The following HCN1 variants were observed in gnomAD, a reference collection of about 807,000 sequenced individuals.
HCN1 encodes hyperpolarization activated cyclic nucleotide gated potassium channel 1.
HCN1 carries 13 observed loss-of-function variants against 78.9 expected under a neutral mutation model. The observed-to-expected ratio is 0.16, with a 90% CI of 0.11 to 0.26. The LOEUF is 0.26. Ranked by LOEUF, HCN1 falls within the 10% of genes least tolerant of loss-of-function variation. HCN1 has a pLI of 1.00. For synonymous variants in HCN1, 552 were observed against 455.5 expected, an observed-to-expected ratio of 1.21 and a Z score of -2.70; for missense variants, 810 against 1,154.3, an observed-to-expected ratio of 0.70 and a Z score of 4.32.
intron 1 of HCN1, 53 bp downstream of exon 1, chr5:45,695,616 G>A: frequency 1.9e-6 from 3 of 1,560,660 alleles, no homozygotes; most frequent in South Asian, 1.1e-5. Context: ...GCGGGGAAGC[G>A]CGTTTCAGGG....
At chr5:45,286,090 C>T (rs1319942680) in intron 6 of HCN1, among the ~76,000 whole-genome samples, 1 of 151,760 alleles carries the variant, frequency 6.6e-6, no homozygotes, top group Non-Finnish European at 1.5e-5. Flanking sequence ...TTCTGTTTCT[C>T]ATTATATAGG....
At chr5:45,299,238 T>A (rs572089019) in intron 6 of HCN1, among the ~76,000 whole-genome samples, 1 of 152,132 alleles carries the variant, frequency 6.6e-6, no homozygotes, top group South Asian at 2.1e-4. Flanking sequence ...TTAAGTACTT[T>A]AACAGTTGGT....
chr5:45,375,187 TATATATAATATAATATTTTATA>T (rs1350953601), intron 4 of HCN1, among the ~76,000 whole-genome samples: 16 of 119,070 alleles, frequency 1.3e-4, no homozygotes, highest in South Asian at 2.3e-4. Context: ...TATAATGTAT[TATATATAATATAATATTTTATA>T]ATATATAATA....
chr5:45,267,610 A>C (rs916718851), intron 6 of HCN1, among the ~76,000 whole-genome samples: 5 of 152,240 alleles, frequency 3.3e-5, no homozygotes, highest in Middle Eastern at 3.4e-3. Flanking sequence ...TCTACTAAAA[A>C]TACAAAAATT....
intron 1 of HCN1, among the ~76,000 whole-genome samples, chr5:45,672,567 T>TAAAAA (rs1312900071): frequency 7.7e-6 from 1 of 130,392 alleles, no homozygotes. Flanking sequence ...GCGAATTAAG[T>TAAAAA]AAAAAAAAAA....
chr5:45,640,724 G>A (rs913240251), intron 2 of HCN1, among the ~76,000 whole-genome samples: 3 of 151,556 alleles, frequency 2.0e-5, no homozygotes, highest in Non-Finnish European at 4.4e-5. Context: ...ACAGGCACCC[G>A]CCACCATGCC....
intron 2 of HCN1, among the ~76,000 whole-genome samples, chr5:45,603,510 C>A (rs531769071): frequency 2.0e-5 from 3 of 151,982 alleles, no homozygotes; most frequent in Admixed American, 2.0e-4. Flanking sequence ...TTGCAGGGAG[C>A]TTTTTTAATT....
chr5:45,419,778 A>G (rs1382431527), intron 3 of HCN1, among the ~76,000 whole-genome samples: 1 of 152,198 alleles, frequency 6.6e-6, no homozygotes, highest in Non-Finnish European at 1.5e-5. Context: ...AGTCCTGTCT[A>G]CATTACTTTC....
intron 2 of HCN1, among the ~76,000 whole-genome samples, chr5:45,608,420 A>G (rs1659970038): frequency 7.4e-6 from 1 of 134,894 alleles, no homozygotes; most frequent in Non-Finnish European, 1.6e-5. Flanking sequence ...GAACTGATGA[A>G]GAACTACTTC....
intron 3 of HCN1, among the ~76,000 whole-genome samples, chr5:45,450,837 T>C (rs912776866): frequency 5.3e-5 from 8 of 152,274 alleles, no homozygotes; most frequent in African/African-American, 1.9e-4. Flanking sequence ...ATAAGTTTTA[T>C]CTCCTTTGCA....
intron 2 of HCN1, among the ~76,000 whole-genome samples, chr5:45,539,437 C>T (rs987093014): frequency 2.7e-5 from 4 of 150,934 alleles, no homozygotes; most frequent in Admixed American, 1.3e-4. Context: ...CCGAGGTGGG[C>T]GGATCACGAG....
At chr5:45,694,883 G>C (rs1739974772) in intron 1 of HCN1, among the ~76,000 whole-genome samples, 1 of 152,194 alleles carries the variant, frequency 6.6e-6, no homozygotes, top group African/African-American at 2.4e-5. Flanking sequence ...TTCTTCCCGA[G>C]CTGGAGGACG....
chr5:45,553,056 C>T (rs1210084021), intron 2 of HCN1, among the ~76,000 whole-genome samples: 2 of 151,880 alleles, frequency 1.3e-5, no homozygotes, highest in East Asian at 3.9e-4. Flanking sequence ...CATGAAGGGG[C>T]TTTCCCTGAA....
intron 2 of HCN1, among the ~76,000 whole-genome samples, chr5:45,490,376 A>C (rs1741858171): frequency 6.6e-6 from 1 of 152,166 alleles, no homozygotes; most frequent in South Asian, 2.1e-4. Context: ...ATGCCTGACA[A>C]ATTTATGGGT....
intron 5 of HCN1, among the ~76,000 whole-genome samples, chr5:45,345,708 T>A (rs748408944): frequency 2.0e-5 from 3 of 152,200 alleles, no homozygotes; most frequent in Non-Finnish European, 2.9e-5. Context: ...CATAGCACTT[T>A]CAGCATTTTG....
intron 4 of HCN1, among the ~76,000 whole-genome samples, chr5:45,385,497 G>C (rs574085395): frequency 6.6e-6 from 1 of 152,152 alleles, no homozygotes; most frequent in East Asian, 1.9e-4. Flanking sequence ...ATCTAGTCAG[G>C]AAATAAAGGC....
chr5:45,622,095 G>A lies in HCN1; in HGVS notation c.849+23090C>T, dbSNP rs569008144. 1.4e-4 allele frequency among the ~76,000 whole-genome samples: 22 copies of A among 152,082 alleles called. No homozygotes were observed. The East Asian group carries it at 3.1e-3, about 21-fold the overall frequency. On this transcript the variant is annotated intron_variant, in intron 2 of 7. Coordinates refer to ENST00000303230, the MANE Select transcript of HCN1 (RefSeq NM_021072.4). ...AAATTAGCCAGACGTGGTGGCGGGC[G>A]CCTGTAGTCTCAGCTACGCAGGAGG...
intron 2 of HCN1, among the ~76,000 whole-genome samples, chr5:45,590,144 T>C (rs1744330039): frequency 6.6e-6 from 1 of 152,232 alleles, no homozygotes; most frequent in African/African-American, 2.4e-5. Context: ...AGTTATATTC[T>C]AAATGAATTG....
At chr5:45,298,328 C>A (rs1310335218) in intron 6 of HCN1, among the ~76,000 whole-genome samples, 1 of 152,032 alleles carries the variant, frequency 6.6e-6, no homozygotes, top group Non-Finnish European at 1.5e-5. Flanking sequence ...TGATACCCTG[C>A]ACCACCTCAG....
Sources: gnomAD v4.1 joint callset for allele counts (sites outside exome capture counted in the v4.1 genomes callset) on GRCh38, gnomAD v4.1.1 for gene constraint, MANE v1.5 for transcripts, NCBI Gene and HGNC (gene_info 2026-07-23, HGNC 2026-07-21) for gene names.